SHE: variants seen among roughly 807,000 people sequenced by gnomAD.
SHE encodes the protein Src homology 2 domain containing E.
Under a neutral mutation model 49.8 loss-of-function variants are expected in SHE, and 11 were observed. That is an observed-to-expected ratio of 0.22 (90% CI 0.14 to 0.37). The LOEUF (loss-of-function observed/expected upper bound fraction) is 0.37, where lower values mean the gene tolerates loss of function less well. Among genes scored for constraint, SHE ranks in the 10% least tolerant of loss-of-function variants. The pLI is 1.00. For missense variants in SHE, 624 were observed against 655.5 expected (o/e 0.95, Z 0.52); for synonymous variants, 310 against 278.1 (o/e 1.11, Z -1.14).
At position 154,481,688 on chromosome 1, in the gene SHE, AAAT is replaced by A; in HGVS notation, c.*2458_*2460del. ...TTTCATTTCTAGAATGTTAAACTAA[AAAT>A]AAGTTTAACACAATGAATAATTTGT... On this transcript the variant is annotated 3_prime_UTR_variant, in exon 6 of 6. Transcript: ENST00000304760. The A allele has an allele frequency of 5.2e-6, 5 of 963,250 alleles. No homozygotes were observed. Among genetic ancestry groups the A allele is most frequent in the Non-Finnish European group, 6.2e-6 (5 of 809,708 alleles). 59.7% of individuals were successfully genotyped at this position (963,250 alleles called of 1,614,324 possible). A position where few individuals can be genotyped will look rare whatever the true frequency, so the allele number is the denominator to read the frequency against.
At position 154,482,729 on chromosome 1, in the gene SHE, T is replaced by C. The variant is rs968211854; in HGVS notation, c.*1420A>G. ...TAAATAAACTGGTGATATAAGCTCA[T>C]GATAAATCATAAAGATCCTAATACT... On this transcript the variant is annotated 3_prime_UTR_variant, in exon 6 of 6. Transcript: ENST00000304760. 3.0e-6 allele frequency: 3 copies of C among 985,430 alleles called. No individual in the cohort carries two copies. In the African/African-American group the frequency reaches 5.2e-5, roughly 17 times the overall value. 61.0% of individuals were successfully genotyped at this position (985,430 alleles called of 1,614,324 possible).
chr1:154,476,287 G>A (rs912304714), downstream of SHE, among the ~76,000 whole-genome samples: 3 of 152,112 alleles, frequency 2.0e-5, no homozygotes, highest in African/African-American at 7.2e-5. Context: ...TCAAGGTTGT[G>A]GTGAGCCATG....
At chr1:154,501,191 T>A (rs527333409) in intron 1 of SHE, among the ~76,000 whole-genome samples, 44 of 152,204 alleles carry the variant, frequency 2.9e-4, no homozygotes, top group Non-Finnish European at 5.7e-4. Context: ...TCTTCTAAAC[T>A]GCTAACAAAA....
At position 154,472,276 on chromosome 1, in the gene SHE, A is replaced by G. The variant is rs117492675; in HGVS notation, c.103-1914T>C. Among the ~76,000 whole-genome samples, 39 of 152,352 alleles carry G rather than the reference A, an allele frequency of 2.6e-4. No homozygotes were observed. In the East Asian group the frequency reaches 6.6e-3, roughly 26 times the overall value. On this transcript the variant is annotated intron_variant, in intron 1 of 1. Coordinates refer to the SHE transcript ENST00000486773. ...GAGATAGATGAAGAGAGAAGTAAAA[A>G]GCAGAGGAAGCCAGCACCTGCACGC...
At chr1:154,476,062 C>G (rs555181910), downstream of SHE, among the ~76,000 whole-genome samples, 1 of 152,216 alleles carries the variant, frequency 6.6e-6, no homozygotes, top group Non-Finnish European at 1.5e-5. Flanking sequence ...CTGAAGCAGT[C>G]CAGGACGGTG....
Position 154,492,040 on chromosome 1 carries a change from T to C in SHE, c.719-2684A>G, listed in dbSNP as rs148951051. 3.4e-3 allele frequency among the ~76,000 whole-genome samples: 519 copies of C among 152,178 alleles called. 1 individual carries two copies. Among genetic ancestry groups the C allele is most frequent in the Non-Finnish European group, 4.9e-3 (333 of 68,000 alleles). The stretch of plus-strand genomic sequence containing the variant: ...GGTGTGGGGATGGTCCGTGGAGAAA[T>C]GCCACTGACTCATTAAGACCTCTAT... On this transcript the variant is annotated intron_variant, in intron 2 of 5. Coordinates refer to ENST00000304760, the MANE Select transcript of SHE (RefSeq NM_001010846.3).
chr1:154,485,206 A>G (rs1352762261), intron 5 of SHE: 3 of 152,164 alleles, frequency 2.0e-5, no homozygotes, highest in Non-Finnish European at 1.5e-5. Flanking sequence ...AACACAGTCG[A>G]GCTATTCCTG....
Position 154,484,308 on chromosome 1 carries a change from T to G in SHE, c.1329A>C (p.Ile443=). Residue 443 remains isoleucine (I), a synonymous_variant, in exon 6 of 6, where the codon ATA becomes ATC. Coordinates refer to ENST00000304760, the MANE Select transcript of SHE (RefSeq NM_001010846.3). ...ATTTGTTGTCTTTGGTCTGAGCCAC[T>G]ATGATGTGGACACATCCTTGACTAG... ...LKTSQGCVHI[I]VAQTKDNKYT... is the part of the protein sequence containing the mutation. 1 of 1,614,206 alleles carries G rather than the reference T, an allele frequency of 6.2e-7. No individual in the cohort carries two copies. The highest frequency in any genetic ancestry group is 8.5e-7 in the Non-Finnish European group (1 of 1,180,010).
chr1:154,484,401 T>A, intron 5 of SHE, 66 bp from the exon 6 acceptor site: 2 of 1,405,242 alleles, frequency 1.4e-6, no homozygotes, highest in Non-Finnish European at 2.0e-6. Flanking sequence ...CTGAAAACAA[T>A]TGCAGCCAGA....
chr1:154,483,852 G>A lies in SHE; in HGVS notation c.*297C>T. The A allele has an allele frequency of 1.2e-6, 1 of 866,920 alleles. No homozygotes were observed. Among genetic ancestry groups the A allele is most frequent in the African/African-American group, 1.8e-5 (1 of 56,456 alleles). 53.7% of individuals were successfully genotyped at this position (866,920 alleles called of 1,614,324 possible). ...ACTAAAAATACAAAAAAAAAAATTA[G>A]CTGGGAGTGGTGGTGCGAACCTATA... is the stretch of plus-strand genomic sequence containing the variant. On this transcript the variant is annotated 3_prime_UTR_variant, in exon 6 of 6. Transcript: ENST00000304760.
At chr1:154,494,662 T>TA (rs1692470444) in intron 2 of SHE, among the ~76,000 whole-genome samples, 1 of 152,068 alleles carries the variant, frequency 6.6e-6, no homozygotes, top group Non-Finnish European at 1.5e-5. Flanking sequence ...GCTCAAAAGC[T>TA]AAAACCACAG....
intron 2 of SHE, among the ~76,000 whole-genome samples, chr1:154,497,640 T>C (rs186597478): frequency 1.3e-5 from 2 of 152,326 alleles, no homozygotes; most frequent in East Asian, 1.9e-4. Context: ...TTTTAGGTGG[T>C]TGCCTTGAAT....
rs556288411 is a variant in SHE at position 154,487,766 on chromosome 1, C to T, written c.1025-1083G>A. 5.3e-5 allele frequency among the ~76,000 whole-genome samples: 8 copies of T among 151,332 alleles called. No individual in the cohort carries two copies. In the East Asian group the frequency reaches 1.6e-3, roughly 30 times the overall value. ...TCGGGGGGCTGAGGTGAGAGGACTG[C>T]CTGAGCTCAGGAGGCTGAGGATGCA... On this transcript the variant is annotated intron_variant, in intron 3 of 5. Coordinates refer to ENST00000304760, the MANE Select transcript of SHE (RefSeq NM_001010846.3).
intron 2 of SHE, among the ~76,000 whole-genome samples, chr1:154,497,733 T>A (rs1006451662): frequency 3.3e-5 from 5 of 151,986 alleles, no homozygotes; most frequent in African/African-American, 4.8e-5. Flanking sequence ...CAGGCTGGAG[T>A]GCAATGGCAC....
At position 154,494,403 on chromosome 1, in the gene SHE, G is replaced by A. The variant is rs1474585312; in HGVS notation, c.718+4709C>T. On this transcript the variant is annotated intron_variant, in intron 2 of 5. Coordinates refer to ENST00000304760, the MANE Select transcript of SHE (RefSeq NM_001010846.3). ...TTTTTTTTTTTTTTTTTTTAGAGATGGGGTCTCACTATATTGGCAAGGTTG... is the reference window on the plus strand; with the variant it reads ...TTTTTTTTTTTTTTTTTTTAGAGATAGGGTCTCACTATATTGGCAAGGTTG... Among the ~76,000 whole-genome samples the A allele has an allele frequency of 3.6e-5, 5 of 139,832 alleles. No individual in the cohort carries two copies. In the Admixed American group the frequency reaches 3.6e-4, roughly 10 times the overall value. 91.7% of individuals were successfully genotyped at this position (139,832 alleles called of 152,430 possible). A position where few individuals can be genotyped will look rare whatever the true frequency, so the allele number is the denominator to read the frequency against.
chr1:154,482,500 T>G lies in SHE; in HGVS notation c.*1649A>C, dbSNP rs1692047955. ...ACAAAGGTATACTTTCCTAAAAAATTAACCAAATCAACATTTTGTGTGTAT... is the reference window on the plus strand; with the variant it reads ...ACAAAGGTATACTTTCCTAAAAAATGAACCAAATCAACATTTTGTGTGTAT... On this transcript the variant is annotated 3_prime_UTR_variant, in exon 6 of 6. Coordinates refer to ENST00000304760, the MANE Select transcript of SHE (RefSeq NM_001010846.3). The G allele has an allele frequency of 1.0e-6, 1 of 985,356 alleles. No individual in the cohort carries two copies. Among genetic ancestry groups the G allele is most frequent in the East Asian group, 1.1e-4 (1 of 8,818 alleles). The allele number at this position is 985,356 out of a possible 1,614,324, so 61.0% of individuals were successfully genotyped here.
chr1:154,482,832 C>T lies in SHE; in HGVS notation c.*1317G>A. 1.0e-6 allele frequency: 1 copy of T among 985,366 alleles called. No individual in the cohort carries two copies. The highest frequency in any genetic ancestry group is 1.2e-6 in the Non-Finnish European group (1 of 829,924). The allele number at this position is 985,366 out of a possible 1,614,324, so 61.0% of individuals were successfully genotyped here. A position where few individuals can be genotyped will look rare whatever the true frequency, so the allele number is the denominator to read the frequency against. Reference sequence around the variant, plus strand: ...CTTCTGTATAGTACAAGGCAGTCTGCTTGGTACAGAACGAGAGAATCTTTG... The same window carrying T: ...CTTCTGTATAGTACAAGGCAGTCTGTTTGGTACAGAACGAGAGAATCTTTG... On this transcript the variant is annotated 3_prime_UTR_variant, in exon 6 of 6. Coordinates refer to ENST00000304760, the MANE Select transcript of SHE (RefSeq NM_001010846.3).
chr1:154,485,035 G>A (rs912097136), intron 5 of SHE: 9 of 150,872 alleles, frequency 6.0e-5, no homozygotes, highest in Admixed American at 2.0e-4. Flanking sequence ...CTAAAAGGAC[G>A]TAAGTAAGGG....
Position 154,480,531 on chromosome 1 carries a change from T to C in SHE, c.*3618A>G, listed in dbSNP as rs986387011. 1 of 985,428 alleles carries C rather than the reference T, an allele frequency of 1.0e-6. No individual in the cohort carries two copies. Among genetic ancestry groups the C allele is most frequent in the Non-Finnish European group, 1.2e-6 (1 of 829,912 alleles). 61.0% of individuals were successfully genotyped at this position (985,428 alleles called of 1,614,324 possible). On this transcript the variant is annotated 3_prime_UTR_variant, in exon 6 of 6. Coordinates refer to ENST00000304760, the MANE Select transcript of SHE (RefSeq NM_001010846.3). ...ATTTCCCACCACCTGCCTCAAAAACTCCTGGCTGCCCCTATCAGCTACCTG... is the reference window on the plus strand; with the variant it reads ...ATTTCCCACCACCTGCCTCAAAAACCCCTGGCTGCCCCTATCAGCTACCTG...
Sources: allele counts gnomAD v4.1 joint callset (sites outside exome capture counted in the v4.1 genomes callset), GRCh38; gene constraint gnomAD v4.1.1; transcripts MANE v1.5; gene names NCBI Gene and HGNC (gene_info 2026-07-23, HGNC 2026-07-21).